Variants in CMSS1 observed in about 807,000 individuals in gnomAD.
CMSS1 encodes the protein cms1 ribosomal small subunit homolog.
Under a neutral mutation model 43.5 loss-of-function variants are expected in CMSS1, and 33 were observed. The ratio of observed to expected loss-of-function variants is 0.76; its 90% CI spans 0.57 to 1.01. The LOEUF is 1.01. Ranked by LOEUF, CMSS1 falls within the 50% of genes least tolerant of loss-of-function variation. The pLI, the probability that CMSS1 is intolerant of heterozygous loss-of-function variation, is 0.00. For synonymous variants in CMSS1, 115 were observed against 117.2 expected (o/e 0.98, Z 0.12); for missense variants, 313 against 326.4 (o/e 0.96, Z 0.32).
At chr3:99,986,361 G>A (rs1709342291) in intron 1 of CMSS1, among the ~76,000 whole-genome samples, 1 of 152,106 alleles carries the variant, frequency 6.6e-6, no homozygotes, top group South Asian at 2.1e-4. Flanking sequence ...AAAATAAAGA[G>A]AATAGTATGT....
At chr3:100,146,947 T>C in intron 1 of CMSS1, 26 bp from the exon 2 acceptor site, 2 of 1,607,846 alleles carry the variant, frequency 1.2e-6, no homozygotes, top group Non-Finnish European at 1.7e-6. Flanking sequence ...GAGACTTTTC[T>C]GATTTTCAAA....
At chr3:99,973,862 T>G (rs530115767) in intron 1 of CMSS1, among the ~76,000 whole-genome samples, 1 of 152,300 alleles carries the variant, frequency 6.6e-6, no homozygotes, top group African/African-American at 2.4e-5. Context: ...GAGGGATGGT[T>G]GCTCTAAGTT....
chr3:100,027,587 C>G (rs1012777675), intron 1 of CMSS1, among the ~76,000 whole-genome samples: 28 of 152,160 alleles, frequency 1.8e-4, no homozygotes, highest in African/African-American at 6.5e-4. Context: ...CCTACTTCCA[C>G]CCTGCTCAAC....
chr3:100,066,413 C>T (rs899533476), intron 1 of CMSS1, among the ~76,000 whole-genome samples: 2 of 149,344 alleles, frequency 1.3e-5, no homozygotes, highest in Non-Finnish European at 3.0e-5. Flanking sequence ...TGTAGGCAGT[C>T]ATTTGCCATG....
chr3:100,161,008 G>C (rs2067018677), intron 3 of CMSS1, among the ~76,000 whole-genome samples: 1 of 152,196 alleles, frequency 6.6e-6, no homozygotes, highest in African/African-American at 2.4e-5. Context: ...CTTGCATTTT[G>C]ATATTTGCTG....
At chr3:100,133,452 A>AT (rs869063629) in intron 1 of CMSS1, among the ~76,000 whole-genome samples, 1 of 151,314 alleles carries the variant, frequency 6.6e-6, no homozygotes, top group African/African-American at 2.5e-5. Flanking sequence ...GTGGAACCAA[A>AT]TTTTTTTGGT....
chr3:100,075,891 A>G (rs2065842433), intron 1 of CMSS1, among the ~76,000 whole-genome samples: 1 of 152,176 alleles, frequency 6.6e-6, no homozygotes, highest in Non-Finnish European at 1.5e-5. Flanking sequence ...CTTCTGGGGT[A>G]TTAGGATTCG....
At chr3:99,975,963 C>A in intron 1 of CMSS1, among the ~76,000 whole-genome samples, 1 of 152,212 alleles carries the variant, frequency 6.6e-6, no homozygotes, top group East Asian at 1.9e-4. Flanking sequence ...TGGCTCACTG[C>A]AACCTCCGCC....
Position 100,125,564 on chromosome 3 carries a change from G to A in CMSS1, c.65-21409G>A, listed in dbSNP as rs560633566. On this transcript the variant is annotated intron_variant, in intron 1 of 9. Coordinates refer to ENST00000421999, the MANE Select transcript of CMSS1 (RefSeq NM_032359.4). ...ATTGGGCTGTAACCTAACTCTAATC[G>A]CTGACCTCAGATAATTAATTTCATA... Among the ~76,000 whole-genome samples the A allele has an allele frequency of 1.0e-3, 159 of 152,250 alleles. 1 individual carries two copies. Among genetic ancestry groups the A allele is most frequent in the Non-Finnish European group, 9.1e-4 (62 of 68,022 alleles).
chr3:100,080,918 C>T (rs2065922531), intron 1 of CMSS1, among the ~76,000 whole-genome samples: 3 of 152,110 alleles, frequency 2.0e-5, no homozygotes, highest in Admixed American at 1.3e-4. Flanking sequence ...TGGTTCTGTC[C>T]TAAAGGATGA....
Position 99,886,075 on chromosome 3 carries a change from G to A in CMSS1, c.64+68032G>A, listed in dbSNP as rs557205224. Among the ~76,000 whole-genome samples the A allele has an allele frequency of 1.2e-4, 19 of 152,326 alleles. No individual in the cohort carries two copies. The East Asian group carries it at 3.7e-3, about 29-fold the overall frequency. On this transcript the variant is annotated intron_variant, in intron 1 of 9. Coordinates refer to ENST00000421999, the MANE Select transcript of CMSS1 (RefSeq NM_032359.4). ...ACACTTTCCTTTCTATATCAAGGAA[G>A]GTGGAATATTCAAACAGAACACTCT...
At chr3:99,929,405 C>A (rs926982681) in intron 1 of CMSS1, among the ~76,000 whole-genome samples, 1 of 152,186 alleles carries the variant, frequency 6.6e-6, no homozygotes, top group Non-Finnish European at 1.5e-5. Context: ...TATTTCCATT[C>A]ATGTTCAAAA....
At chr3:99,825,218 C>T (rs556284561) in intron 1 of CMSS1, among the ~76,000 whole-genome samples, 27 of 152,298 alleles carry the variant, frequency 1.8e-4, no homozygotes, top group Admixed American at 1.6e-3. Context: ...CATAATCATT[C>T]GTCAAGCTCT....
chr3:100,014,847 A>T (rs1576642095), intron 1 of CMSS1, among the ~76,000 whole-genome samples: 5 of 54,362 alleles, frequency 9.2e-5, no homozygotes, highest in African/African-American at 2.9e-4. Flanking sequence ...TTTTTATCTG[A>T]TGCAACACCA....
intron 1 of CMSS1, among the ~76,000 whole-genome samples, chr3:99,986,378 C>T (rs2107114376): frequency 6.6e-6 from 1 of 152,182 alleles, no homozygotes; most frequent in East Asian, 1.9e-4. Flanking sequence ...ATGTGTGCTT[C>T]AGGGGGTTTT....
intron 1 of CMSS1, among the ~76,000 whole-genome samples, chr3:99,942,033 G>A (rs1354457755): frequency 6.6e-5 from 10 of 152,128 alleles, no homozygotes; most frequent in African/African-American, 1.7e-4. Flanking sequence ...TGGCTAACAC[G>A]GTGAAACTGT....
intron 1 of CMSS1, among the ~76,000 whole-genome samples, chr3:100,032,460 G>A (rs1302846922): frequency 6.6e-6 from 1 of 152,178 alleles, no homozygotes; most frequent in East Asian, 1.9e-4. Context: ...ATGGCAGCTG[G>A]TGGTTTCTGT....
At chr3:99,919,854 G>A (rs935566590) in intron 1 of CMSS1, among the ~76,000 whole-genome samples, 2 of 152,198 alleles carry the variant, frequency 1.3e-5, no homozygotes, top group African/African-American at 4.8e-5. Flanking sequence ...GTGTGGTCAA[G>A]GCAACAACAC....
Position 100,147,071 on chromosome 3 carries a change from C to T in CMSS1, c.153+10C>T, listed in dbSNP as rs1316315421. The stretch of plus-strand genomic sequence containing the variant: ...AGAGAAAACCAAACAGGTGAGGGGT[C>T]ACTGTGGGAGAGCCACCACTGTTAA... On this transcript the variant is annotated intron_variant, in intron 2 of 9. Transcript: ENST00000421999. The T allele has an allele frequency of 6.2e-7, 1 of 1,612,914 alleles. No homozygotes were observed. Among genetic ancestry groups the T allele is most frequent in the Admixed American group, 1.7e-5 (1 of 59,912 alleles).
Sources: allele counts gnomAD v4.1 joint callset (sites outside exome capture counted in the v4.1 genomes callset), GRCh38; gene constraint gnomAD v4.1.1; transcripts MANE v1.5; gene names NCBI Gene and HGNC (gene_info 2026-07-23, HGNC 2026-07-21).